The following PHTF2 variants were observed in gnomAD, a reference collection of about 807,000 sequenced individuals.
PHTF2 encodes putative homeodomain transcription factor 2.
PHTF2 carries 60 observed loss-of-function variants against 101.2 expected under a neutral mutation model. The observed-to-expected ratio is 0.59, with a 90% CI of 0.48 to 0.73. The LOEUF (loss-of-function observed/expected upper bound fraction) is 0.73. PHTF2 is among the 30% of genes least tolerant of loss of function. The pLI is 0.00. For synonymous variants in PHTF2, 311 were observed against 307.3 expected, an observed-to-expected ratio of 1.01 and a Z score of -0.13; for missense variants, 747 against 908.7, an observed-to-expected ratio of 0.82 and a Z score of 2.29.
At chr7:77,924,006 A>C in intron 11 of PHTF2, 1 of 892,370 alleles carries the variant, frequency 1.1e-6, no homozygotes, top group Non-Finnish European at 1.3e-6. Context: ...AAGAAATTAC[A>C]TAAATATAAA....
intron 9 of PHTF2, among the ~76,000 whole-genome samples, chr7:77,918,698 T>G (rs1803167891): frequency 6.6e-6 from 1 of 152,186 alleles, no homozygotes; most frequent in Admixed American, 6.5e-5. Flanking sequence ...GTCTTTTATT[T>G]TCTATTTTTT....
At chr7:77,821,489 C>T (rs1355394961) in intron 1 of PHTF2, among the ~76,000 whole-genome samples, 1 of 151,942 alleles carries the variant, frequency 6.6e-6, no homozygotes, top group East Asian at 1.9e-4. Flanking sequence ...CTGTAGATGG[C>T]CCGTGGGGCT....
At position 77,835,147 on chromosome 7, in the gene PHTF2, G is replaced by A. The variant is rs942750079; in HGVS notation, c.-35-5074G>A. ...AAATTAGCCAGGCGTGGTGGTGGGC[G>A]CCTGTAGTCCTAGCTACTGAGGAGG... On this transcript the variant is annotated intron_variant, in intron 1 of 19. Transcript: ENST00000416283. Among the ~76,000 whole-genome samples, 7 of 151,978 alleles carry A rather than the reference G, an allele frequency of 4.6e-5. No individual in the cohort carries two copies. The South Asian group carries it at 6.2e-4, about 14-fold the overall frequency.
At chr7:77,942,031 C>T (rs769196369) in intron 15 of PHTF2, among the ~76,000 whole-genome samples, 5 of 152,104 alleles carry the variant, frequency 3.3e-5, no homozygotes, top group African/African-American at 9.7e-5. Context: ...AGACTGCTTC[C>T]GTTCTTTACA....
At chr7:77,819,142 T>C (rs1192704650) in intron 1 of PHTF2, among the ~76,000 whole-genome samples, 2 of 152,224 alleles carry the variant, frequency 1.3e-5, no homozygotes, top group African/African-American at 4.8e-5. Flanking sequence ...TTTGGTATAG[T>C]CTTTAAGTTT....
intron 15 of PHTF2, 35 bp from the exon 15 acceptor site, chr7:77,942,665 T>A (rs1187374208): frequency 8.4e-7 from 1 of 1,193,712 alleles, no homozygotes; most frequent in East Asian, 2.5e-5. Flanking sequence ...TATTTTAAAA[T>A]GTTTCCTTTT....
intron 7 of PHTF2, among the ~76,000 whole-genome samples, chr7:77,905,103 C>A (rs1296348979): frequency 6.6e-6 from 1 of 152,176 alleles, no homozygotes; most frequent in Non-Finnish European, 1.5e-5. Context: ...AGATTGGATA[C>A]CCCTGGTCTA....
chr7:77,903,628 A>C (rs1293916360), intron 7 of PHTF2, among the ~76,000 whole-genome samples: 2 of 152,230 alleles, frequency 1.3e-5, no homozygotes, highest in African/African-American at 2.4e-5. Context: ...TTCAGAATCC[A>C]AGTTTAATCA....
chr7:77,813,172 A>G (rs1360099966), intron 1 of PHTF2, among the ~76,000 whole-genome samples: 1 of 152,224 alleles, frequency 6.6e-6, no homozygotes, highest in Non-Finnish European at 1.5e-5. Context: ...AAACCAAGAT[A>G]TTAGATGTGA....
intron 1 of PHTF2, among the ~76,000 whole-genome samples, chr7:77,808,888 A>G (rs1340232593): frequency 1.3e-5 from 2 of 152,074 alleles, no homozygotes; most frequent in Admixed American, 1.3e-4. Context: ...AAAATGTTTC[A>G]CTTTTTTTTC....
chr7:77,848,528 G>A (rs1294773790), intron 2 of PHTF2, among the ~76,000 whole-genome samples: 1 of 152,150 alleles, frequency 6.6e-6, no homozygotes, highest in Non-Finnish European at 1.5e-5. Context: ...TGTCTATTCA[G>A]ACCTTTTGCC....
At chr7:77,930,557 AAAAAG>A (rs1262989382) in intron 12 of PHTF2, among the ~76,000 whole-genome samples, 1 of 152,166 alleles carries the variant, frequency 6.6e-6, no homozygotes, top group Non-Finnish European at 1.5e-5. Flanking sequence ...ACTCGAGAAA[AAAAAG>A]AGAACTTTCA....
intron 13 of PHTF2, among the ~76,000 whole-genome samples, chr7:77,939,567 G>GTA (rs1805455839): frequency 7.1e-6 from 1 of 140,898 alleles, no homozygotes; most frequent in East Asian, 2.0e-4. Context: ...TCCAGCCTGG[G>GTA]CAATAGAGTG....
At chr7:77,947,854 T>TTTTTTTTTTTC (rs1806208949) in intron 16 of PHTF2, among the ~76,000 whole-genome samples, 4 of 141,920 alleles carry the variant, frequency 2.8e-5, no homozygotes, top group Non-Finnish European at 1.5e-5. Context: ...TTTTTTTTTT[T>TTTTTTTTTTTC]TGAGACAGAG....
intron 1 of PHTF2, among the ~76,000 whole-genome samples, chr7:77,805,941 G>A (rs1584344006): frequency 6.6e-6 from 1 of 152,178 alleles, no homozygotes; most frequent in African/African-American, 2.4e-5. Context: ...TTGGGAGGCC[G>A]AGGCAGGCGG....
intron 7 of PHTF2, among the ~76,000 whole-genome samples, chr7:77,902,587 G>A (rs576169514): frequency 3.7e-4 from 56 of 152,050 alleles, no homozygotes; most frequent in Non-Finnish European, 6.9e-4. Flanking sequence ...CTTAGCAGCA[G>A]TATATAACAC....
chr7:77,885,618 T>A (rs1023403779), intron 3 of PHTF2, among the ~76,000 whole-genome samples: 4 of 152,114 alleles, frequency 2.6e-5, no homozygotes, highest in Admixed American at 6.5e-5. Context: ...CTATTTTTTG[T>A]ATTCTTAGTA....
chr7:77,932,617 A>T (rs1227225251), intron 12 of PHTF2, among the ~76,000 whole-genome samples: 1,420 of 124,842 alleles, frequency 0.011, 8 homozygotes, highest in South Asian at 0.015. Context: ...AGAGAGAGAG[A>T]GAGAGTGTGT....
At chr7:77,948,802 A>T (rs1314791122) in intron 16 of PHTF2, among the ~76,000 whole-genome samples, 1 of 152,190 alleles carries the variant, frequency 6.6e-6, no homozygotes, top group South Asian at 2.1e-4. Flanking sequence ...AATGAAAATG[A>T]TGGCAAAGGG....
Sources: allele counts gnomAD v4.1 joint callset (sites outside exome capture counted in the v4.1 genomes callset), GRCh38; gene constraint gnomAD v4.1.1; transcripts MANE v1.5; gene names NCBI Gene and HGNC (gene_info 2026-07-23, HGNC 2026-07-21).